AZIN2: variants seen among roughly 807,000 people sequenced by gnomAD.
The protein encoded by AZIN2 is antizyme inhibitor 2.
Under a neutral mutation model 47.8 loss-of-function variants are expected in AZIN2, and 28 were observed. The observed-to-expected ratio is 0.59, with a 90% CI of 0.43 to 0.80. AZIN2 has a LOEUF of 0.80. AZIN2 is among the 30% of genes least tolerant of loss of function. AZIN2 has a pLI of 0.00. For synonymous variants in AZIN2, 221 were observed against 239.4 expected (o/e 0.92, Z 0.71); for missense variants, 535 against 582.5 (o/e 0.92, Z 0.84).
At chr1:33,109,459 G>C (rs1184211775) in intron 10 of AZIN2, among the ~76,000 whole-genome samples, 1 of 151,836 alleles carries the variant, frequency 6.6e-6, no homozygotes, top group Non-Finnish European at 1.5e-5. Flanking sequence ...CTCTTGAATG[G>C]CTGGGATTAC....
At chr1:33,127,541 G>C (rs1418975292), downstream of AZIN2, among the ~76,000 whole-genome samples, 1 of 152,252 alleles carries the variant, frequency 6.6e-6, no homozygotes, top group Non-Finnish European at 1.5e-5. Flanking sequence ...CTGAGGCGGC[G>C]TGGGAAGCGG....
At chr1:33,123,985 G>A (rs1644839022), downstream of AZIN2, among the ~76,000 whole-genome samples, 2 of 151,734 alleles carry the variant, frequency 1.3e-5, no homozygotes, top group Non-Finnish European at 2.9e-5. Flanking sequence ...GACAGTGTGA[G>A]ACTCCATCTC....
intron 5 of AZIN2, among the ~76,000 whole-genome samples, chr1:33,088,150 A>G (rs1642137807): frequency 6.6e-6 from 1 of 152,086 alleles, no homozygotes; most frequent in Non-Finnish European, 1.5e-5. Flanking sequence ...ACTGCTTCCC[A>G]CATTTTAATC....
chr1:33,084,802 G>A (rs967836635), intron 5 of AZIN2, among the ~76,000 whole-genome samples: 1 of 152,078 alleles, frequency 6.6e-6, no homozygotes, highest in Non-Finnish European at 1.5e-5. Flanking sequence ...ATTTCAGCAT[G>A]TTGGCCAGGT....
At chr1:33,133,511 G>A in the AZIN2 span, among the ~76,000 whole-genome samples, 3 of 152,206 alleles carry the variant, frequency 2.0e-5, no homozygotes, top group Non-Finnish European at 4.4e-5. Context: ...GACCACCGGC[G>A]GCACGTTTTC....
the AZIN2 span, among the ~76,000 whole-genome samples, chr1:33,149,994 C>T: frequency 6.6e-6 from 1 of 152,332 alleles, no homozygotes; most frequent in East Asian, 1.9e-4. Context: ...GCTGCATCAC[C>T]TGGCTCTGGG....
chr1:33,110,704 A>C (rs1342623974), intron 10 of AZIN2, among the ~76,000 whole-genome samples: 2 of 152,226 alleles, frequency 1.3e-5, no homozygotes, highest in Non-Finnish European at 2.9e-5. Context: ...AAAAAGATAT[A>C]AAATAGGAAA....
rs1644827102 is a variant in AZIN2 at position 33,123,225 on chromosome 1, T to C, written c.*3043T>C. On this transcript the variant is annotated 3_prime_UTR_variant, in exon 12 of 12. Transcript: ENST00000294517. ...ATAGCATGTCCTAGTCTCTCTCTTTTCTCTTAACTAGTTTTCTTTTTCTTC... is the reference window on the plus strand; with the variant it reads ...ATAGCATGTCCTAGTCTCTCTCTTTCCTCTTAACTAGTTTTCTTTTTCTTC... Among the ~76,000 whole-genome samples the C allele has an allele frequency of 2.0e-5, 3 of 152,188 alleles. No individual in the cohort carries two copies. The highest frequency in any genetic ancestry group is 2.0e-4 in the Admixed American group (3 of 15,282).
At chr1:33,134,595 G>T in the AZIN2 span, among the ~76,000 whole-genome samples, 2 of 152,080 alleles carry the variant, frequency 1.3e-5, no homozygotes, top group African/African-American at 4.8e-5. Context: ...CTCCTAATCC[G>T]GTAGTAGGAT....
chr1:33,107,143 G>A (rs1644046698), intron 10 of AZIN2, among the ~76,000 whole-genome samples: 1 of 151,596 alleles, frequency 6.6e-6, no homozygotes, highest in Non-Finnish European at 1.5e-5. Context: ...AATTATCCAG[G>A]CGTAAAGATG....
At chr1:33,096,569 TG>T in intron 8 of AZIN2, 137 bp from the exon 9 acceptor site, 1 of 1,050,128 alleles carries the variant, frequency 9.5e-7, no homozygotes. Flanking sequence ...AGTTATCAGC[TG>T]GGGCCTTAGC....
intron 6 of AZIN2, among the ~76,000 whole-genome samples, chr1:33,092,579 G>A (rs1032821314): frequency 3.3e-5 from 5 of 152,318 alleles, no homozygotes; most frequent in Middle Eastern, 3.4e-3. Flanking sequence ...AAGGCTCCAC[G>A]GAGGAAGTGG....
chr1:33,127,501 G>C (rs1169846102), downstream of AZIN2, among the ~76,000 whole-genome samples: 3 of 152,238 alleles, frequency 2.0e-5, no homozygotes, highest in Non-Finnish European at 4.4e-5. Flanking sequence ...CCGAGGGCGG[G>C]GCTCTCACGG....
intron 5 of AZIN2, among the ~76,000 whole-genome samples, chr1:33,086,951 T>G (rs759429101): frequency 6.6e-6 from 1 of 152,170 alleles, no homozygotes; most frequent in African/African-American, 2.4e-5. Context: ...CCAAAGAATT[T>G]TCTCTTACCA....
rs1467679709 is a variant in AZIN2, at chr1:33,082,300, C to A, written c.51C>A (p.Phe17Leu). 1.4e-5 allele frequency: 23 copies of A among 1,614,018 alleles called. No individual in the cohort carries two copies. The highest frequency in any genetic ancestry group is 1.9e-5 in the Non-Finnish European group (22 of 1,180,022). ...ACTTTGTGATGGTGGAGGAGGGCTT[C>A]AGTACCCGAGACCTGCTGAAGGAAC... ...ESDFVMVEEG[F>L]STRDLLKELT... is the part of the protein sequence containing the mutation. Residue 17 changes from phenylalanine (F) to leucine (L), a missense_variant, in exon 4 of 12, where the codon TTC becomes TTA. Physicochemically the swap from Phe to Leu is conservative, Grantham distance 22. This residue lies in a region of AZIN2 where 409 missense variants were observed against 429.0 expected (regional missense o/e 0.95). Coordinates refer to ENST00000294517, the MANE Select transcript of AZIN2 (RefSeq NM_052998.4).
the AZIN2 span, among the ~76,000 whole-genome samples, chr1:33,161,320 A>G: frequency 6.6e-6 from 1 of 152,142 alleles, no homozygotes; most frequent in Non-Finnish European, 1.5e-5. The surrounding 1 kb of genome is among the most constrained non-coding windows in gnomAD (Gnocchi z 4.3). Context: ...GAAGGGCTTA[A>G]CGTCAGGACG....
intron 8 of AZIN2, among the ~76,000 whole-genome samples, 180 bp from the exon 9 acceptor site, chr1:33,096,527 T>A (rs1159948974): frequency 6.6e-6 from 1 of 152,142 alleles, no homozygotes; most frequent in Non-Finnish European, 1.5e-5. Flanking sequence ...CCCAGCTCTG[T>A]CCCCCTCCTA....
In AZIN2 at chr1:33,117,934, C is replaced by T; in HGVS notation, c.1062C>T (p.Ser354=). 6.2e-7 allele frequency: 1 copy of T among 1,614,010 alleles called. No homozygotes were observed. The highest frequency in any genetic ancestry group is 2.2e-5 in the East Asian group (1 of 44,882). The change falls in exon 11 of 12, where the codon AGC becomes AGT. Residue 354 remains serine (S), a synonymous_variant. Transcript: ENST00000294517. ...CCACGGAGCAGCCCCTGTACAGCAGCAGCCTGTGGGGCCCGGCGGTTGATG... is the reference window on the plus strand; with the variant it reads ...CCACGGAGCAGCCCCTGTACAGCAGTAGCCTGTGGGGCCCGGCGGTTGATG... The part of the protein sequence containing the change: ...KPSTEQPLYS[S]SLWGPAVDGC...
downstream of AZIN2, among the ~76,000 whole-genome samples, chr1:33,125,957 T>A (rs1049082032): frequency 2.0e-5 from 3 of 152,126 alleles, no homozygotes; most frequent in African/African-American, 7.2e-5. Context: ...AGCCCAGGAA[T>A]TTGAGGCCAG....
Sources: allele counts gnomAD v4.1 joint callset (sites outside exome capture counted in the v4.1 genomes callset), GRCh38; gene constraint gnomAD v4.1.1; regional missense constraint gnomAD v4.1.1; non-coding constraint Gnocchi (gnomAD v3.1); transcripts MANE v1.5; gene names NCBI Gene and HGNC (gene_info 2026-07-23, HGNC 2026-07-21).